CNTNAP2: variants seen among roughly 807,000 people sequenced by gnomAD.
CNTNAP2 encodes the protein contactin associated protein 2, also known as contactin-associated protein-like 2.
Under a neutral mutation model 155.2 loss-of-function variants are expected in CNTNAP2, and 98 were observed. The ratio of observed to expected loss-of-function variants is 0.63; its 90% CI spans 0.54 to 0.75. The LOEUF is 0.75. CNTNAP2 is among the 30% of genes least tolerant of loss of function. The probability of loss-of-function intolerance (pLI) is 0.00; values close to 1 mark genes in which losing one functional copy is unlikely to be tolerated. For synonymous variants in CNTNAP2, 651 were observed against 631.2 expected (o/e 1.03, Z -0.47); for missense variants, 1,727 against 1,688.1 (o/e 1.02, Z -0.40).
At chr7:148,089,768 C>A (rs916310588) in intron 15 of CNTNAP2, among the ~76,000 whole-genome samples, 4 of 151,550 alleles carry the variant, frequency 2.6e-5, no homozygotes, top group African/African-American at 9.7e-5. Context: ...ACATTTTTTA[C>A]AGCAATAGGA....
chr7:146,919,395 C>G (rs765155104), intron 3 of CNTNAP2, among the ~76,000 whole-genome samples: 1 of 152,168 alleles, frequency 6.6e-6, no homozygotes, highest in South Asian at 2.1e-4. Context: ...ATGTGGTGCT[C>G]TCCTCTTCCC....
chr7:146,674,887 T>C (rs1422426185), intron 1 of CNTNAP2, among the ~76,000 whole-genome samples: 2 of 152,164 alleles, frequency 1.3e-5, no homozygotes, highest in African/African-American at 4.8e-5. Flanking sequence ...CTCCCTGATA[T>C]AAGAAAGTAG....
intron 16 of CNTNAP2, 64 bp downstream of exon 16, chr7:148,118,352 C>T: frequency 6.4e-7 from 1 of 1,565,820 alleles, no homozygotes; most frequent in Admixed American, 1.7e-5. Context: ...TGGTCCGGGT[C>T]CTGATTGTGG....
chr7:147,936,492 AAG>A (rs1800611163), intron 14 of CNTNAP2, among the ~76,000 whole-genome samples: 1 of 152,128 alleles, frequency 6.6e-6, no homozygotes, highest in Non-Finnish European at 1.5e-5. Context: ...ATGAATGTAA[AAG>A]AGAATAAACA....
chr7:146,420,548 A>T (rs558100508), intron 1 of CNTNAP2, among the ~76,000 whole-genome samples: 2 of 152,048 alleles, frequency 1.3e-5, no homozygotes, highest in Non-Finnish European at 2.9e-5. Context: ...TGGGCAATAA[A>T]CTAGGTATGG....
At chr7:146,856,293 G>GATACATACATAC (rs1212011580) in intron 3 of CNTNAP2, among the ~76,000 whole-genome samples, 99 of 63,052 alleles carry the variant, frequency 1.6e-3, no homozygotes, top group African/African-American at 5.1e-3. Flanking sequence ...TAGATAGATA[G>GATACATACATAC]ATAGATACAT....
At chr7:146,369,206 C>T (rs1247636438) in intron 1 of CNTNAP2, among the ~76,000 whole-genome samples, 2 of 151,482 alleles carry the variant, frequency 1.3e-5, no homozygotes, top group Non-Finnish European at 1.5e-5. Flanking sequence ...TTAAAAGGGC[C>T]ATAAGAGGAA....
intron 10 of CNTNAP2, among the ~76,000 whole-genome samples, chr7:147,450,735 T>G (rs772909594): frequency 6.6e-6 from 1 of 152,240 alleles, no homozygotes; most frequent in South Asian, 2.1e-4. Context: ...AAGATGCCAG[T>G]AAATTAATAA....
chr7:147,414,742 C>T (rs1178870510), intron 10 of CNTNAP2, among the ~76,000 whole-genome samples: 1 of 151,862 alleles, frequency 6.6e-6, no homozygotes, highest in Admixed American at 6.6e-5. Flanking sequence ...GAGATCGAGA[C>T]TATCCTGGCT....
At chr7:147,622,943 A>G (rs190312701) in intron 12 of CNTNAP2, among the ~76,000 whole-genome samples, 2 of 152,132 alleles carry the variant, frequency 1.3e-5, no homozygotes, top group African/African-American at 4.8e-5. Flanking sequence ...ATTACAACTG[A>G]TACCACAGAA....
intron 1 of CNTNAP2, among the ~76,000 whole-genome samples, chr7:146,712,299 GTATA>G (rs1801103962): frequency 8.1e-6 from 1 of 124,102 alleles, no homozygotes; most frequent in African/African-American, 3.5e-5. Context: ...CATATCTTAT[GTATA>G]CTATATAGTA....
At chr7:147,935,818 C>G (rs764067889) in intron 14 of CNTNAP2, among the ~76,000 whole-genome samples, 1 of 152,050 alleles carries the variant, frequency 6.6e-6, no homozygotes, top group Non-Finnish European at 1.5e-5. Flanking sequence ...TGCTTAAAAA[C>G]AACTATATGT....
At chr7:146,929,362 G>A (rs533178642) in intron 3 of CNTNAP2, among the ~76,000 whole-genome samples, 5 of 152,212 alleles carry the variant, frequency 3.3e-5, no homozygotes, top group South Asian at 2.1e-4. Flanking sequence ...ACTCCAACAG[G>A]CCTGCAGCTG....
At chr7:146,881,339 G>C (rs941497976) in intron 3 of CNTNAP2, among the ~76,000 whole-genome samples, 4 of 152,044 alleles carry the variant, frequency 2.6e-5, no homozygotes, top group African/African-American at 9.7e-5. Flanking sequence ...ATTTTTCTTA[G>C]AGCTTTAAAA....
intron 3 of CNTNAP2, among the ~76,000 whole-genome samples, chr7:147,042,652 A>G (rs1397649675): frequency 6.6e-6 from 1 of 152,194 alleles, no homozygotes; most frequent in Non-Finnish European, 1.5e-5. Flanking sequence ...TCCTGGTTTT[A>G]GATAGAAGCA....
intron 13 of CNTNAP2, among the ~76,000 whole-genome samples, chr7:147,744,134 T>C (rs371169003): frequency 6.6e-6 from 1 of 152,198 alleles, no homozygotes; most frequent in African/African-American, 2.4e-5. Context: ...ATTTGATGAT[T>C]AGCATTTGAT....
In CNTNAP2 at chr7:148,301,306, A is replaced by AAAT; in HGVS notation, c.3475+34181_3475+34182insATA. ...GAGACTCCGTCTAAAAAAAAAAAAA[A>AAAT]ATATATATATATATATAGGTTAAAA... On this transcript the variant is annotated intron_variant, in intron 21 of 23. Transcript: ENST00000361727. Among the ~76,000 whole-genome samples, 27 of 103,844 alleles carry AAAT rather than the reference A, an allele frequency of 2.6e-4. 1 individual carries two copies. The highest frequency in any genetic ancestry group is 1.7e-3 in the East Asian group (7 of 4,106). 68.1% of individuals were successfully genotyped at this position (103,844 alleles called of 152,430 possible). A position where few individuals can be genotyped will look rare whatever the true frequency, so the allele number is the denominator to read the frequency against.
Position 147,232,537 on chromosome 7 carries a change from A to G in CNTNAP2, c.1349-67604A>G, listed in dbSNP as rs367999769. On this transcript the variant is annotated intron_variant, in intron 8 of 23. Coordinates refer to ENST00000361727, the MANE Select transcript of CNTNAP2 (RefSeq NM_014141.6). ...AGCCTAGAAATAAATTTACACACAC[A>G]TTATCAACTAATCTTTGACATGGCA... is the stretch of plus-strand genomic sequence containing the variant. Among the ~76,000 whole-genome samples the G allele has an allele frequency of 6.8e-4, 103 of 152,300 alleles. 2 individuals are homozygous for G. The highest frequency in any genetic ancestry group is 3.4e-3 in the Middle Eastern group (1 of 294).
At chr7:147,875,464 A>C (rs970280899) in intron 13 of CNTNAP2, among the ~76,000 whole-genome samples, 10 of 152,160 alleles carry the variant, frequency 6.6e-5, no homozygotes, top group African/African-American at 2.4e-4. Context: ...ACCTCCCACC[A>C]GGTCCCTCCC....
Sources: allele counts gnomAD v4.1 joint callset (sites outside exome capture counted in the v4.1 genomes callset), GRCh38; gene constraint gnomAD v4.1.1; transcripts MANE v1.5; gene names NCBI Gene and HGNC (gene_info 2026-07-23, HGNC 2026-07-21).